The following TGOLN2 variants were observed in gnomAD, a reference collection of about 807,000 sequenced individuals.
TGOLN2 encodes trans-Golgi network integral membrane protein 2.
A neutral mutation model predicts 31.3 loss-of-function variants in TGOLN2; 19 were observed. The ratio of observed to expected loss-of-function variants is 0.61; its 90% CI spans 0.42 to 0.89. The LOEUF (loss-of-function observed/expected upper bound fraction) is 0.89, where lower values mean the gene tolerates loss of function less well. Ranked by LOEUF, TGOLN2 falls within the 40% of genes least tolerant of loss-of-function variation. TGOLN2 has a pLI of 0.00. For missense variants in TGOLN2, 540 were observed against 559.2 expected (o/e 0.97, Z 0.35); for synonymous variants, 222 against 226.7 (o/e 0.98, Z 0.19).
rs779051821 is a variant in TGOLN2, at chr2:85,326,845, G to C, written c.887C>G (p.Thr296Ser). ...KGKLSPHAFKTESGEETDLIS... is the reference protein window; with the variant it reads ...KGKLSPHAFKSESGEETDLIS... ...GAGGTCAGTTTCCTCCCCAGATTCGGTTTTGAAAGCATGAGGAGAAAGCTT... is the reference window on the plus strand; with the variant it reads ...GAGGTCAGTTTCCTCCCCAGATTCGCTTTTGAAAGCATGAGGAGAAAGCTT... Residue 296 changes from threonine to serine, a missense_variant, in exon 2 of 4, where the codon ACC becomes AGC. By Grantham distance (58) the Thr-to-Ser change is moderately conservative (BLOSUM62 1). Transcript: ENST00000377386. 4.3e-6 allele frequency: 7 copies of C among 1,613,912 alleles called. No individual in the cohort carries two copies. The highest frequency in any genetic ancestry group is 5.9e-6 in the Non-Finnish European group (7 of 1,179,900).
chr2:85,321,730 C>CT lies in TGOLN2; in HGVS notation c.*1005dup, dbSNP rs1205108678. 4 of 152,196 alleles carry CT rather than the reference C, an allele frequency of 2.6e-5. No homozygotes were observed. The highest frequency in any genetic ancestry group is 4.4e-5 in the Non-Finnish European group (3 of 68,030). The allele number at this position is 152,196 out of a possible 1,614,324, so 9.4% of individuals were successfully genotyped here. ...ATAGTTTCTATTAATAAATCTAAGT[C>CT]TATTTTGTCTGTTTTAGGCAACAAA... On this transcript the variant is annotated 3_prime_UTR_variant, in exon 4 of 4. Coordinates refer to ENST00000377386, the MANE Select transcript of TGOLN2 (RefSeq NM_006464.4).
intron 3 of TGOLN2, among the ~76,000 whole-genome samples, chr2:85,323,400 T>C (rs1205770661): frequency 6.6e-6 from 1 of 152,166 alleles, no homozygotes; most frequent in Admixed American, 6.5e-5. Context: ...ACCCCATCTC[T>C]ACTAAAAATC....
chr2:85,324,995 T>C lies in TGOLN2; in HGVS notation c.1228A>G (p.Ile410Val). The change falls in exon 3 of 4, where the codon ATT becomes GTT. Residue 410 changes from isoleucine to valine, a missense_variant. Transcript: ENST00000377386. ...CTTTTTCCTTCCAGGACAAAAGCAATGATCTGAGGAAAGGAAAAAGAAAAT... is the reference window on the plus strand; with the variant it reads ...CTTTTTCCTTCCAGGACAAAAGCAACGATCTGAGGAAAGGAAAAAGAAAAT... ...YIAHHNKRKI[I>V]AFVLEGKRSK... 5.2e-6 allele frequency: 8 copies of C among 1,552,018 alleles called. No individual in the cohort carries two copies. Among genetic ancestry groups the C allele is most frequent in the African/African-American group, 2.7e-5 (2 of 73,182 alleles).
rs144866028 is a variant in TGOLN2, at chr2:85,327,142, C to T, written c.590G>A (p.Gly197Asp). The T allele has an allele frequency of 3.3e-4, 525 of 1,613,784 alleles. 3 individuals are homozygous for T. In the African/African-American group the frequency reaches 6.3e-3, roughly 19 times the overall value. Residue 197 changes from glycine to aspartate, a missense_variant, in exon 2 of 4, where the codon GGT (glycine) becomes GAT (aspartate). Physicochemically the swap from Gly to Asp is moderately conservative, Grantham distance 94. Coordinates refer to ENST00000377386, the MANE Select transcript of TGOLN2 (RefSeq NM_006464.4). ...GTCTTTTGGGGTCTGATCCTCCGCA[C>T]CCGACTTGCTGGAGCCGTCTTTTGG... is the stretch of plus-strand genomic sequence containing the variant. ...QTPKDGSSKS[G>D]AEDQTPKDVP... is the part of the protein sequence containing the mutation.
rs946655555 is a variant in TGOLN2 at position 85,327,377 on chromosome 2, T to G, written c.355A>C (p.Thr119Pro). Reference protein sequence around the residue: ...TSKSGSEAQTTKDSTSKSHPE... With the variant: ...TSKSGSEAQTPKDSTSKSHPE... Reference sequence around the variant, plus strand: ...TGCGACTTACTAGTGCTGTCTTTTGTGGTCTGCGCCTCCGAACCCGACTTG... The same window carrying G: ...TGCGACTTACTAGTGCTGTCTTTTGGGGTCTGCGCCTCCGAACCCGACTTG... Residue 119 changes from threonine (T) to proline (P), a missense_variant, in exon 2 of 4, where the codon ACA (threonine) becomes CCA (proline). By Grantham distance (38) the Thr-to-Pro change is conservative. Coordinates refer to ENST00000377386, the MANE Select transcript of TGOLN2 (RefSeq NM_006464.4). 5.0e-6 allele frequency: 8 copies of G among 1,601,906 alleles called. No homozygotes were observed. The African/African-American group carries it at 1.1e-4, about 23-fold the overall frequency.
rs1380951400 is a variant in TGOLN2, at chr2:85,327,930, G to A, written c.33C>T (p.Asn11=). 3 of 1,603,776 alleles carry A rather than the reference G, an allele frequency of 1.9e-6. No homozygotes were observed. The highest frequency in any genetic ancestry group is 2.2e-5 in the East Asian group (1 of 44,494). ...GGAGGGTCTTACCCGCCGCTGCGAC[G>A]TTCAGGAGGACCAAGGCAACCACGA... MRFVVALVLL[N]VAAAGAVPLL... Residue 11 remains asparagine (N), a synonymous_variant, in exon 1 of 4, where the codon AAC becomes AAT. Transcript: ENST00000377386.
In TGOLN2 at chr2:85,327,576, G is replaced by A. The variant is rs35371533; in HGVS notation, c.156C>T (p.Gly52=). 6.2e-6 allele frequency: 10 copies of A among 1,614,094 alleles called. No individual in the cohort carries two copies. Among genetic ancestry groups the A allele is most frequent in the Non-Finnish European group, 7.6e-6 (9 of 1,179,910 alleles). ...THPSLSQRPG[G]STKSHPEPQT... is the part of the protein sequence containing the mutation. ...GCGGCTCCGGATGCGACTTGGTAGA[G>A]CCTCCAGGCCGTTGGCTCAAGCTGG... is the stretch of plus-strand genomic sequence containing the variant. The change falls in exon 2 of 4, where the codon GGC becomes GGT. Residue 52 remains glycine, a synonymous_variant. Coordinates refer to ENST00000377386, the MANE Select transcript of TGOLN2 (RefSeq NM_006464.4).
intron 2 of TGOLN2, among the ~76,000 whole-genome samples, chr2:85,325,476 TAC>T (rs953519077): frequency 2.0e-5 from 3 of 152,000 alleles, no homozygotes; most frequent in Non-Finnish European, 2.9e-5. Context: ...GAATAAGAAA[TAC>T]ACTTTTTTTT....
chr2:85,318,181 T>C lies in TGOLN2; in HGVS notation c.*4555A>G, dbSNP rs189507965. The stretch of plus-strand genomic sequence containing the variant: ...TTAAAAAAATAAAATTAAGTAATTA[T>C]AGTTAAGTTACAAAAAGCTGAAAGT... On this transcript the variant is annotated 3_prime_UTR_variant, in exon 4 of 4. Coordinates refer to ENST00000377386, the MANE Select transcript of TGOLN2 (RefSeq NM_006464.4). The C allele has an allele frequency of 2.4e-4, 37 of 152,290 alleles. No individual in the cohort carries two copies. The highest frequency in any genetic ancestry group is 2.4e-3 in the Admixed American group (36 of 15,276). 9.4% of individuals were successfully genotyped at this position (152,290 alleles called of 1,614,324 possible).
At chr2:85,326,338 C>T (rs867132617) in intron 2 of TGOLN2, among the ~76,000 whole-genome samples, 170 bp downstream of exon 2, 2 of 152,090 alleles carry the variant, frequency 1.3e-5, no homozygotes, top group Admixed American at 6.6e-5. Context: ...GATGAAAACA[C>T]GATTAACAAA....
chr2:85,323,450 C>T (rs1052044657), intron 3 of TGOLN2, among the ~76,000 whole-genome samples: 7 of 152,046 alleles, frequency 4.6e-5, no homozygotes, highest in African/African-American at 1.7e-4. Context: ...CCTGTAATCC[C>T]ACCTACTCGG....
At chr2:85,323,259 C>A (rs1414170599) in intron 3 of TGOLN2, among the ~76,000 whole-genome samples, 5 of 152,176 alleles carry the variant, frequency 3.3e-5, no homozygotes, top group African/African-American at 1.2e-4. Flanking sequence ...TGCCCAGCCA[C>A]ATGTGTATTT....
chr2:85,327,312 C>T lies in TGOLN2; in HGVS notation c.420G>A (p.Ser140=). ...CTTCTGGGGTCTGCGCCTCCGCACC[C>T]GATTTGCCAGTGCTGTCTTTTGGAG... is the stretch of plus-strand genomic sequence containing the variant. ...LQTPKDSTGK[S]GAEAQTPEDS... is the part of the protein sequence containing the mutation. The change falls in exon 2 of 4, where the codon TCG becomes TCA. Residue 140 remains serine (S), a synonymous_variant. Transcript: ENST00000377386. 1 of 1,611,096 alleles carries T rather than the reference C, an allele frequency of 6.2e-7. No individual in the cohort carries two copies. The highest frequency in any genetic ancestry group is 8.5e-7 in the Non-Finnish European group (1 of 1,178,010).
At position 85,326,518 on chromosome 2, in the gene TGOLN2, T is replaced by A. The variant is rs993898816; in HGVS notation, c.1214A>T (p.Asn405Ile). The A allele has an allele frequency of 6.2e-7, 1 of 1,610,506 alleles. No homozygotes were observed. Among genetic ancestry groups the A allele is most frequent in the African/African-American group, 1.3e-5 (1 of 74,848 alleles). ...LVAVLYIAHH[N>I]KRKIIAFVLE... is the part of the protein sequence containing the mutation. Reference sequence around the variant, plus strand: ...CCGCTGTCGACTTACCTTCCGCTTGTTGTGATGAGCGATATAGAGGACAGC... The same window carrying A: ...CCGCTGTCGACTTACCTTCCGCTTGATGTGATGAGCGATATAGAGGACAGC... Residue 405 changes from asparagine (N) to isoleucine (I), a missense_variant, in exon 2 of 4, where the codon AAC becomes ATC. Physicochemically the swap from Asn to Ile is moderately radical, Grantham distance 149 (BLOSUM62 -3). Transcript: ENST00000377386.
In TGOLN2 at chr2:85,326,823, G is replaced by A. The variant is rs772389585; in HGVS notation, c.909C>T (p.Asp303=). 4.3e-6 allele frequency: 7 copies of A among 1,614,008 alleles called. No homozygotes were observed. Among genetic ancestry groups the A allele is most frequent in the Non-Finnish European group, 5.9e-6 (7 of 1,179,886 alleles). ...CTTCCTCCTGCGGGGGAGAAATGAG[G>A]TCAGTTTCCTCCCCAGATTCGGTTT... ...AFKTESGEET[D]LISPPQEEVK... The change falls in exon 2 of 4, where the codon GAC becomes GAT. Residue 303 remains aspartate, a synonymous_variant. Coordinates refer to ENST00000377386, the MANE Select transcript of TGOLN2 (RefSeq NM_006464.4).
Position 85,318,886 on chromosome 2 carries a change from G to C in TGOLN2, c.*3850C>G, listed in dbSNP as rs2104403081. ...TTCAGGAATCTGCAGCAGGAAAACTGCTTCCTCTATTAACATCTATGACTG... is the reference window on the plus strand; with the variant it reads ...TTCAGGAATCTGCAGCAGGAAAACTCCTTCCTCTATTAACATCTATGACTG... On this transcript the variant is annotated 3_prime_UTR_variant, in exon 4 of 4. Coordinates refer to ENST00000377386, the MANE Select transcript of TGOLN2 (RefSeq NM_006464.4). The C allele has an allele frequency of 6.6e-6, 1 of 152,312 alleles. No homozygotes were observed. Among genetic ancestry groups the C allele is most frequent in the East Asian group, 1.9e-4 (1 of 5,182 alleles). The allele number at this position is 152,312 out of a possible 1,614,324, so 9.4% of individuals were successfully genotyped here.
rs983133206 is a variant in TGOLN2, at chr2:85,322,344, G to A, written c.*392C>T. On this transcript the variant is annotated 3_prime_UTR_variant, in exon 4 of 4. Transcript: ENST00000377386. ...AAGGACCAACTTTCCTACAGAGCCC[G>A]GGCCCCAGGGAGGGTGGTCAGCAGC... 3 of 312,632 alleles carry A rather than the reference G, an allele frequency of 9.6e-6. No homozygotes were observed. Among genetic ancestry groups the A allele is most frequent in the South Asian group, 6.4e-5 (2 of 31,208 alleles). 19.4% of individuals were successfully genotyped at this position (312,632 alleles called of 1,614,324 possible).
In TGOLN2 at chr2:85,326,675, C is replaced by T; in HGVS notation, c.1057G>A (p.Glu353Lys). 1.2e-6 allele frequency: 2 copies of T among 1,614,052 alleles called. No individual in the cohort carries two copies. The change falls in exon 2 of 4, where the codon GAG (glutamate) becomes AAG (lysine). Residue 353 changes from glutamate to lysine, a missense_variant. Coordinates refer to ENST00000377386, the MANE Select transcript of TGOLN2 (RefSeq NM_006464.4). ...KEKMSGSASS[E>K]NREGTLSDST... ...TCCGAAAGTGTCCCTTCACGGTTCTCACTGGAGGCAGAACCGGACATCTTT... is the reference window on the plus strand; with the variant it reads ...TCCGAAAGTGTCCCTTCACGGTTCTTACTGGAGGCAGAACCGGACATCTTT...
chr2:85,323,024 C>A (rs955652169), intron 3 of TGOLN2, among the ~76,000 whole-genome samples: 1 of 152,188 alleles, frequency 6.6e-6, no homozygotes, highest in African/African-American at 2.4e-5. Context: ...GTTGCCCAGG[C>A]TGGAGTGCAG....
Sources: allele counts gnomAD v4.1 joint callset (sites outside exome capture counted in the v4.1 genomes callset), GRCh38; gene constraint gnomAD v4.1.1; transcripts MANE v1.5; gene names NCBI Gene and HGNC (gene_info 2026-07-23, HGNC 2026-07-21).